PPP4R2: variants seen among roughly 807,000 people sequenced by gnomAD.
The protein encoded by PPP4R2 is protein phosphatase 4 regulatory subunit 2, also known as serine/threonine-protein phosphatase 4 regulatory subunit 2.
In PPP4R2, 13 loss-of-function variants were observed where a neutral mutation model predicts 47.2. That is an observed-to-expected ratio of 0.28 (90% CI 0.18 to 0.44). The LOEUF is 0.44. PPP4R2 is among the 20% of genes least tolerant of loss of function. PPP4R2 has a pLI of 1.00. For synonymous variants in PPP4R2, 151 were observed against 163.3 expected (o/e 0.92, Z 0.57); for missense variants, 421 against 491.2 (o/e 0.86, Z 1.35).
intron 2 of PPP4R2, among the ~76,000 whole-genome samples, chr3:73,032,235 TTTTC>T (rs1375507777): frequency 1.3e-5 from 2 of 152,166 alleles, no homozygotes; most frequent in Non-Finnish European, 2.9e-5. Flanking sequence ...CCACTTTAAA[TTTTC>T]TTTGTTTTTT....
At position 73,065,371 on chromosome 3, in the gene PPP4R2, C is replaced by T. The variant is rs1201094982; in HGVS notation, c.929-26C>T. The T allele has an allele frequency of 3.2e-6, 5 of 1,548,814 alleles. 1 individual carries two copies. In the East Asian group the frequency reaches 6.8e-5, roughly 21 times the overall value. The stretch of plus-strand genomic sequence containing the variant: ...GAGGTATTTTGAAAATACAATTTAA[C>T]TACAACAACATTTGCTTATTTTTAG... On this transcript the variant is annotated intron_variant, in intron 8 of 8. Transcript: ENST00000356692.
chr3:73,039,758 A>T (rs1702339037), intron 2 of PPP4R2, among the ~76,000 whole-genome samples: 1 of 152,178 alleles, frequency 6.6e-6, no homozygotes, highest in African/African-American at 2.4e-5. Context: ...TCCAACTTGA[A>T]AATGTCAGCA....
Position 73,065,495 on chromosome 3 carries a change from A to G in PPP4R2, c.1027A>G (p.Asn343Asp). The part of the protein sequence containing the change: ...LTVNEETSEE[N>D]NQMEESDVSQ... ...TGTGAATGAAGAGACTTCTGAGGAAAATAATCAAATGGAGGAATCTGATGT... is the reference window on the plus strand; with the variant it reads ...TGTGAATGAAGAGACTTCTGAGGAAGATAATCAAATGGAGGAATCTGATGT... The change falls in exon 9 of 9, where the codon AAT becomes GAT. Residue 343 changes from asparagine to aspartate, a missense_variant. By Grantham distance (23) the Asn-to-Asp change is conservative. Transcript: ENST00000356692. 1 of 1,611,870 alleles carries G rather than the reference A, an allele frequency of 6.2e-7. No individual in the cohort carries two copies. Among genetic ancestry groups the G allele is most frequent in the Non-Finnish European group, 8.5e-7 (1 of 1,179,722 alleles).
chr3:73,000,795 T>TTC (rs1233384389), intron 2 of PPP4R2, among the ~76,000 whole-genome samples: 2 of 152,228 alleles, frequency 1.3e-5, no homozygotes, highest in Non-Finnish European at 2.9e-5. Flanking sequence ...GTAATGTAGT[T>TTC]TCTGACATCA....
chr3:73,018,452 T>TGTTATGTTATGTTATGTTTG, intron 2 of PPP4R2, among the ~76,000 whole-genome samples: 24 of 96,526 alleles, frequency 2.5e-4, no homozygotes, highest in Admixed American at 6.9e-4. Context: ...TGTTATGTTA[T>TGTTATGTTATGTTATGTTTG]TTATGTTATG....
At position 73,057,692 on chromosome 3, in the gene PPP4R2, A is replaced by G. The variant is rs564918952; in HGVS notation, c.288-1345A>G. Among the ~76,000 whole-genome samples the G allele has an allele frequency of 5.9e-5, 9 of 152,252 alleles. No individual in the cohort carries two copies. The South Asian group carries it at 1.2e-3, about 21-fold the overall frequency. On this transcript the variant is annotated intron_variant, in intron 3 of 8. Coordinates refer to ENST00000356692, the MANE Select transcript of PPP4R2 (RefSeq NM_174907.4). ...CTTATACTTTGAACATAAGAATAGT[A>G]TTGACACAAAGAATATGAGAACCAA...
rs1553652552 is a variant in PPP4R2, at chr3:73,066,256, A to ATATATATATG, written c.*540_*541insTATGTATATA. 6.8e-6 allele frequency: 1 copy of ATATATATATG among 147,064 alleles called. No individual in the cohort carries two copies. The highest frequency in any genetic ancestry group is 1.5e-5 in the Non-Finnish European group (1 of 66,728). The allele number at this position is 147,064 out of a possible 1,614,324, so 9.1% of individuals were successfully genotyped here. A position where few individuals can be genotyped will look rare whatever the true frequency, so the allele number is the denominator to read the frequency against. ...TATACATACATATATATATATATAT[A>ATATATATATG]TATATAATTCTAAGGGGGGAAATGT... On this transcript the variant is annotated 3_prime_UTR_variant, in exon 9 of 9. Transcript: ENST00000356692.
intron 2 of PPP4R2, among the ~76,000 whole-genome samples, chr3:73,021,756 G>C (rs935275691): frequency 1.3e-5 from 2 of 151,884 alleles, no homozygotes; most frequent in Non-Finnish European, 2.9e-5. Flanking sequence ...TCCAAGTACT[G>C]CGCTAGGTAT....
intron 2 of PPP4R2, chr3:73,016,059 G>A (rs1008619219): frequency 1.3e-5 from 2 of 157,026 alleles, no homozygotes; most frequent in Admixed American, 1.3e-4. Context: ...GAGCCACCAT[G>A]CCTGGCCTCT....
chr3:73,022,800 T>C (rs915588365), intron 2 of PPP4R2, among the ~76,000 whole-genome samples: 1 of 151,934 alleles, frequency 6.6e-6, no homozygotes, highest in Middle Eastern at 3.4e-3. Flanking sequence ...CAATGCAGTC[T>C]TACAGTTGAT....
Position 73,067,562 on chromosome 3 carries a change from A to T in PPP4R2, c.*1840A>T, listed in dbSNP as rs1703026466. The T allele has an allele frequency of 6.6e-6, 1 of 152,182 alleles. No homozygotes were observed. Among genetic ancestry groups the T allele is most frequent in the Non-Finnish European group, 1.5e-5 (1 of 67,994 alleles). 9.4% of individuals were successfully genotyped at this position (152,182 alleles called of 1,614,324 possible). On this transcript the variant is annotated 3_prime_UTR_variant, in exon 9 of 9. Transcript: ENST00000356692. ...AAAATTAACCATTGTAAATTTTTAAAAAATTTTTCAAAAATGTTAAAATGA... is the reference window on the plus strand; with the variant it reads ...AAAATTAACCATTGTAAATTTTTAATAAATTTTTCAAAAATGTTAAAATGA...
At chr3:73,020,019 C>T (rs1266861798) in intron 2 of PPP4R2, among the ~76,000 whole-genome samples, 1 of 152,168 alleles carries the variant, frequency 6.6e-6, no homozygotes, top group African/African-American at 2.4e-5. Flanking sequence ...CATCATATGT[C>T]ACGATTTCTT....
Position 73,065,475 on chromosome 3 carries a change from A to G in PPP4R2, c.1007A>G (p.Asn336Ser), listed in dbSNP as rs772896556. 2 of 1,611,812 alleles carry G rather than the reference A, an allele frequency of 1.2e-6. No homozygotes were observed. The highest frequency in any genetic ancestry group is 1.3e-5 in the African/African-American group (1 of 74,976). ...GAATCTGATGATGCCTTAACTGTGAATGAAGAGACTTCTGAGGAAAATAAT... is the reference window on the plus strand; with the variant it reads ...GAATCTGATGATGCCTTAACTGTGAGTGAAGAGACTTCTGAGGAAAATAAT... ...EKESDDALTV[N>S]EETSEENNQM... The change falls in exon 9 of 9, where the codon AAT becomes AGT. Residue 336 changes from asparagine (N) to serine (S), a missense_variant. By Grantham distance (46) the Asn-to-Ser change is conservative (BLOSUM62 1). This residue lies in a region of PPP4R2 where 317 missense variants were observed against 287.5 expected (regional missense o/e 1.10). Transcript: ENST00000356692.
rs150950812 is a variant in PPP4R2, at chr3:73,011,712, A to C, written c.116+13554A>C. The stretch of plus-strand genomic sequence containing the variant: ...AGTCACCTCAAGGAAAAAAACTTTT[A>C]AGTAATTGTAATTTTGTAGAGACAT... On this transcript the variant is annotated intron_variant, in intron 2 of 8. Transcript: ENST00000356692. Among the ~76,000 whole-genome samples, 28 of 152,304 alleles carry C rather than the reference A, an allele frequency of 1.8e-4. 1 individual carries two copies. The East Asian group carries it at 5.4e-3, about 29-fold the overall frequency.
chr3:73,059,168 T>C, intron 4 of PPP4R2, 38 bp downstream of exon 4: 1 of 995,898 alleles, frequency 1.0e-6, no homozygotes. Flanking sequence ...TATGCTGTGG[T>C]GTAATAGCTT....
intron 2 of PPP4R2, chr3:73,014,813 G>A: frequency 4.9e-6 from 2 of 404,174 alleles, no homozygotes; most frequent in East Asian, 7.1e-5. Flanking sequence ...ATTTGAAAGT[G>A]ATAATATTCT....
rs1702061862 is a variant in PPP4R2 at position 73,026,311 on chromosome 3, A to G, written c.117-20875A>G. 2.0e-5 allele frequency among the ~76,000 whole-genome samples: 3 copies of G among 152,168 alleles called. No homozygotes were observed. The South Asian group carries it at 6.2e-4, about 31-fold the overall frequency. ...CATATTGTTCCCTTTGCTGGAACAAAGACCTTACTTTTCCTTTGTGTACAT... is the reference window on the plus strand; with the variant it reads ...CATATTGTTCCCTTTGCTGGAACAAGGACCTTACTTTTCCTTTGTGTACAT... On this transcript the variant is annotated intron_variant, in intron 2 of 8. Coordinates refer to ENST00000356692, the MANE Select transcript of PPP4R2 (RefSeq NM_174907.4).
chr3:73,049,934 GTT>G (rs1702574686), intron 3 of PPP4R2, among the ~76,000 whole-genome samples: 1 of 151,804 alleles, frequency 6.6e-6, no homozygotes, highest in South Asian at 2.1e-4. Flanking sequence ...TTGAAATTTT[GTT>G]TTGTTTTGTT....
intron 2 of PPP4R2, among the ~76,000 whole-genome samples, chr3:73,025,259 T>C (rs953259630): frequency 1.3e-5 from 2 of 152,210 alleles, no homozygotes; most frequent in African/African-American, 4.8e-5. Context: ...GTTAAAATTA[T>C]TATCTTAAAA....
Sources: gnomAD v4.1 joint callset for allele counts (sites outside exome capture counted in the v4.1 genomes callset) on GRCh38, gnomAD v4.1.1 for gene constraint, gnomAD v4.1.1 regional missense constraint, MANE v1.5 for transcripts, NCBI Gene and HGNC (gene_info 2026-07-23, HGNC 2026-07-21) for gene names.